MSN: variants seen among roughly 807,000 people sequenced by gnomAD.
MSN encodes the protein epididymis luminal protein 70.
MSN carries 2 observed loss-of-function variants against 48.0 expected under a neutral mutation model. That is an observed-to-expected ratio of 0.04 (90% CI 0.02 to 0.13). MSN has a LOEUF of 0.13. Ranked by LOEUF, MSN falls within the 10% of genes least tolerant of loss-of-function variation. The pLI is 1.00. For missense variants in MSN, 267 were observed against 470.1 expected (o/e 0.57, Z 3.99); for synonymous variants, 146 against 166.9 (o/e 0.87, Z 0.97).
chrX:65,725,956 G>C (rs1441211995), intron 2 of MSN, among the ~76,000 whole-genome samples: 1 of 112,288 alleles, frequency 8.9e-6, no homozygotes, highest in African/African-American at 3.2e-5. Context: ...AGATAAGGAA[G>C]GCGAGGCCCA....
At chrX:65,669,986 T>C (rs1159954609) in intron 1 of MSN, among the ~76,000 whole-genome samples, 3 of 111,805 alleles carry the variant, frequency 2.7e-5, no homozygotes, top group Non-Finnish European at 5.6e-5. Flanking sequence ...ATTGAGTTCT[T>C]GACATTTGAG....
intron 1 of MSN, among the ~76,000 whole-genome samples, chrX:65,641,113 T>TAA (rs1475720542): frequency 9.1e-6 from 1 of 109,924 alleles, no homozygotes; most frequent in East Asian, 2.9e-4. Flanking sequence ...TGTCTATAAA[T>TAA]AAATAAATAA....
intron 1 of MSN, chrX:65,716,606 G>A (rs1211356578): frequency 2.3e-6 from 1 of 443,593 alleles, no homozygotes; most frequent in Non-Finnish European, 4.1e-6. Context: ...GGTAAGTATT[G>A]CTCTGTGGCT....
intron 1 of MSN, among the ~76,000 whole-genome samples, chrX:65,616,742 T>C (rs1369594429): frequency 9.5e-6 from 1 of 105,141 alleles, no homozygotes; most frequent in Non-Finnish European, 2.0e-5. Context: ...TCCAACACTA[T>C]GTTGAATAGG....
intron 1 of MSN, among the ~76,000 whole-genome samples, chrX:65,677,440 T>A (rs1273466583): frequency 1.8e-5 from 2 of 112,218 alleles, no homozygotes; most frequent in African/African-American, 3.2e-5. Flanking sequence ...TTCTCCAACA[T>A]GAAAATATCA....
intron 2 of MSN, among the ~76,000 whole-genome samples, chrX:65,718,895 T>G (rs892590686): frequency 9.1e-6 from 1 of 110,027 alleles, no homozygotes; most frequent in African/African-American, 3.4e-5. Flanking sequence ...ATCCTCAGAA[T>G]ATCTAACTTC....
chrX:65,699,748 CAAAAAAAA>C (rs34875923), intron 1 of MSN, among the ~76,000 whole-genome samples: 1 of 43,036 alleles, frequency 2.3e-5, no homozygotes, highest in African/African-American at 7.6e-5. Flanking sequence ...GAATCTGTTT[CAAAAAAAA>C]AAAAAAAAAA....
chrX:65,637,455 C>A (rs1357608442), intron 1 of MSN, among the ~76,000 whole-genome samples: 1 of 109,518 alleles, frequency 9.1e-6, no homozygotes, highest in Non-Finnish European at 1.9e-5. Context: ...ACTCTTTAAG[C>A]TTTCCACACC....
At chrX:65,594,737 C>T (rs1024241293) in intron 1 of MSN, among the ~76,000 whole-genome samples, 1 of 111,213 alleles carries the variant, frequency 9.0e-6, no homozygotes, top group Admixed American at 9.6e-5. Context: ...TGCAACCATC[C>T]CTGTCACACA....
At chrX:65,648,529 G>C (rs2070712766) in intron 1 of MSN, among the ~76,000 whole-genome samples, 1 of 110,156 alleles carries the variant, frequency 9.1e-6, no homozygotes, top group Non-Finnish European at 1.9e-5. Context: ...CTCCAGCCTG[G>C]GCAACAGAGA....
At chrX:65,589,036 T>C (rs1415936426) in intron 1 of MSN, 1 of 134,002 alleles carries the variant, frequency 7.5e-6, no homozygotes, top group African/African-American at 3.2e-5. Context: ...CACTGTCAGA[T>C]CTACTGACCC....
intron 1 of MSN, among the ~76,000 whole-genome samples, chrX:65,641,064 G>A (rs1569457181): frequency 9.0e-6 from 1 of 110,800 alleles, no homozygotes; most frequent in Admixed American, 9.7e-5. Context: ...AGCCAAGGTC[G>A]CGCCATTGCA....
chrX:65,670,326 C>T (rs748686142), intron 1 of MSN, among the ~76,000 whole-genome samples: 1 of 111,906 alleles, frequency 8.9e-6, no homozygotes, highest in Non-Finnish European at 1.9e-5. Flanking sequence ...AGTGGAAAAT[C>T]AAACTCGTTC....
chrX:65,716,923 C>T (rs753153297), intron 2 of MSN, 22 bp downstream of exon 2: 18 of 1,176,213 alleles, frequency 1.5e-5, no homozygotes, highest in Non-Finnish European at 2.0e-5. Flanking sequence ...ACTCCTTAGC[C>T]TCCTCTCCTT....
chrX:65,671,428 A>G (rs1406688369), intron 1 of MSN, among the ~76,000 whole-genome samples: 7 of 111,568 alleles, frequency 6.3e-5, no homozygotes. Context: ...GCATTCAGCT[A>G]AACTTTAACA....
intron 1 of MSN, among the ~76,000 whole-genome samples, chrX:65,657,270 G>A (rs1343751459): frequency 1.8e-5 from 2 of 111,700 alleles, no homozygotes; most frequent in African/African-American, 3.3e-5. Flanking sequence ...GGGAAGGGGA[G>A]CTCGAGGGGA....
At chrX:65,695,532 A>C (rs887021691) in intron 1 of MSN, among the ~76,000 whole-genome samples, 19 of 107,421 alleles carry the variant, frequency 1.8e-4, no homozygotes, top group African/African-American at 6.1e-4. Flanking sequence ...AAAAAAAAAA[A>C]AACAAAGAAA....
At chrX:65,632,662 G>A (rs2070567599) in intron 1 of MSN, among the ~76,000 whole-genome samples, 1 of 111,684 alleles carries the variant, frequency 9.0e-6, no homozygotes, top group Admixed American at 9.6e-5. Flanking sequence ...TGATAGCTGT[G>A]TAGTGATGTC....
intron 1 of MSN, among the ~76,000 whole-genome samples, chrX:65,631,489 T>A (rs1335678071): frequency 8.9e-6 from 1 of 112,051 alleles, no homozygotes; most frequent in Non-Finnish European, 1.9e-5. Flanking sequence ...ATTCTTACAA[T>A]GTGTAATCCT....
Sources: gnomAD v4.1 joint callset for allele counts (sites outside exome capture counted in the v4.1 genomes callset) on GRCh38, gnomAD v4.1.1 for gene constraint, MANE v1.5 for transcripts, NCBI Gene and HGNC (gene_info 2026-07-23, HGNC 2026-07-21) for gene names.